The following SMS variants were observed in gnomAD, a reference collection of about 807,000 sequenced individuals.
The protein encoded by SMS is spermine synthase.
In SMS, 3 loss-of-function variants were observed where a neutral mutation model predicts 33.0. That is an observed-to-expected ratio of 0.09 (90% CI 0.04 to 0.23). The LOEUF is 0.23. SMS is among the 10% of genes least tolerant of loss of function. The pLI, the probability that SMS is intolerant of heterozygous loss-of-function variation, is 1.00. For missense variants in SMS, 117 were observed against 288.6 expected (o/e 0.41, Z 4.31); for synonymous variants, 103 against 112.2 (o/e 0.92, Z 0.52).
intron 9 of SMS, among the ~76,000 whole-genome samples, chrX:21,991,540 A>G (rs1348842978): frequency 3.6e-5 from 4 of 112,205 alleles, no homozygotes; most frequent in Non-Finnish European, 5.6e-5. Context: ...GTGAATACCA[A>G]CTTCAGAGAT....
chrX:21,988,707 G>C (rs1413039583), intron 9 of SMS, among the ~76,000 whole-genome samples: 1 of 100,612 alleles, frequency 9.9e-6, no homozygotes, highest in African/African-American at 3.5e-5. Flanking sequence ...TCAGGTTAAG[G>C]GTGGGATGAA....
At chrX:21,966,052 G>T (rs1009579341) in intron 1 of SMS, among the ~76,000 whole-genome samples, 4 of 112,256 alleles carry the variant, frequency 3.6e-5, no homozygotes, top group African/African-American at 1.3e-4. Flanking sequence ...GTGGCCTTGG[G>T]AACACAGTTC....
rs1239008165 is a variant in SMS at position 21,994,421 on chromosome X, A to G, written c.*70A>G. ...ACCTCCATATGCTGTACATGACATC[A>G]AAATGAGTCAGGCAATTGATTGTGA... is the stretch of plus-strand genomic sequence containing the variant. On this transcript the variant is annotated 3_prime_UTR_variant, in exon 11 of 11. Coordinates refer to ENST00000404933, the MANE Select transcript of SMS (RefSeq NM_004595.5). 7 of 1,187,631 alleles carry G rather than the reference A, an allele frequency of 5.9e-6. No individual in the cohort carries two copies. Among genetic ancestry groups the G allele is most frequent in the Non-Finnish European group, 7.9e-6 (7 of 880,811 alleles).
chrX:21,941,998 GCTT>G (rs1189172045), intron 1 of SMS, among the ~76,000 whole-genome samples: 16 of 106,165 alleles, frequency 1.5e-4, no homozygotes, highest in African/African-American at 5.5e-4. Context: ...TAATTTGCAG[GCTT>G]CTTTTCTCGG....
chrX:21,942,745 A>G (rs762395119), intron 1 of SMS, among the ~76,000 whole-genome samples: 11 of 109,557 alleles, frequency 1.0e-4, no homozygotes, highest in Admixed American at 1.9e-4. Flanking sequence ...TCACCCAGCT[A>G]GTAAGGGGTG....
intron 1 of SMS, among the ~76,000 whole-genome samples, chrX:21,950,781 C>CT (rs964123262): frequency 1.8e-4 from 20 of 111,490 alleles, no homozygotes; most frequent in Middle Eastern, 4.7e-3. Context: ...GGAACTCATT[C>CT]TTTTTTATGG....
At chrX:21,954,478 C>T (rs1361735734) in intron 1 of SMS, among the ~76,000 whole-genome samples, 1 of 112,421 alleles carries the variant, frequency 8.9e-6, no homozygotes, top group Admixed American at 9.4e-5. Flanking sequence ...ACATGGCTGC[C>T]TTCTCGTCTG....
intron 7 of SMS, among the ~76,000 whole-genome samples, chrX:21,980,429 A>AAAAAAATATATATAT (rs1260210326): frequency 6.2e-4 from 39 of 63,041 alleles, no homozygotes; most frequent in East Asian, 2.0e-3. Context: ...AAAAAAAAAA[A>AAAAAAATATATATAT]ATATATATAT....
chrX:21,980,429 A>AATATATATATAT (rs1187267102), intron 7 of SMS, among the ~76,000 whole-genome samples: 8 of 63,047 alleles, frequency 1.3e-4, no homozygotes, highest in East Asian at 6.5e-4. Flanking sequence ...AAAAAAAAAA[A>AATATATATATAT]ATATATATAT....
Position 21,971,879 on chromosome X carries a change from T to C in SMS, c.171-18T>C, listed in dbSNP as rs765822661. ...CCCGATACAATTCTTAAGCTTAAAATTATATTTTCCTTTGTAGCTTTGCCA... is the reference window on the plus strand; with the variant it reads ...CCCGATACAATTCTTAAGCTTAAAACTATATTTTCCTTTGTAGCTTTGCCA... On this transcript the variant is annotated intron_variant, in intron 2 of 10. Transcript: ENST00000404933. The C allele has an allele frequency of 9.2e-6, 10 of 1,092,721 alleles. No individual in the cohort carries two copies. In the East Asian group the frequency reaches 3.0e-4, roughly 33 times the overall value. The allele number at this position is 1,092,721 out of a possible 1,213,427, so 90.1% of individuals were successfully genotyped here.
intron 7 of SMS, among the ~76,000 whole-genome samples, chrX:21,980,415 C>CAA (rs1178108858): frequency 0.022 from 985 of 44,497 alleles, 36 homozygotes; most frequent in African/African-American, 0.071. Flanking sequence ...AGACTGTCTC[C>CAA]AAAAAAAAAA....
intron 1 of SMS, among the ~76,000 whole-genome samples, chrX:21,952,410 T>TTTGTTAACCTATTATGGTGGATCACG (rs1922668575): frequency 1.7e-5 from 1 of 57,416 alleles, no homozygotes; most frequent in African/African-American, 1.6e-4. Context: ...GATCACGTTG[T>TTTGTTAACCTATTATGGTGGATCACG]TTGTTTGTTT....
intron 4 of SMS, among the ~76,000 whole-genome samples, chrX:21,976,258 A>G (rs1041085293): frequency 9.9e-5 from 11 of 111,242 alleles, no homozygotes; most frequent in South Asian, 3.8e-4. Context: ...GAGGACTTCT[A>G]CCTAGTTTCA....
intron 2 of SMS, among the ~76,000 whole-genome samples, chrX:21,970,898 A>G (rs147257046): frequency 4.1e-4 from 45 of 110,828 alleles, no homozygotes; most frequent in African/African-American, 1.5e-3. Context: ...TGTAAATGCA[A>G]AACAAATACA....
intron 7 of SMS, among the ~76,000 whole-genome samples, chrX:21,980,329 A>G (rs1356217239): frequency 9.5e-6 from 1 of 104,984 alleles, no homozygotes; most frequent in African/African-American, 3.4e-5. Flanking sequence ...AGGCAGGAGA[A>G]TCGCTTGAAC....
At chrX:21,976,766 G>C (rs1451255756) in intron 4 of SMS, among the ~76,000 whole-genome samples, 1 of 112,145 alleles carries the variant, frequency 8.9e-6, no homozygotes, top group East Asian at 2.8e-4. Flanking sequence ...TTAAGAGACA[G>C]ATGCTGCTGG....
At chrX:21,969,690 C>G (rs1294301556) in intron 2 of SMS, among the ~76,000 whole-genome samples, 1 of 112,547 alleles carries the variant, frequency 8.9e-6, no homozygotes, top group African/African-American at 3.2e-5. Flanking sequence ...GGCACCAATT[C>G]CAGTTGTACA....
Position 21,994,739 on chromosome X carries a change from T to A in SMS, c.*388T>A, listed in dbSNP as rs1164974184. 1.3e-6 allele frequency: 1 copy of A among 769,054 alleles called. No individual in the cohort carries two copies. The highest frequency in any genetic ancestry group is 1.5e-6 in the Non-Finnish European group (1 of 649,877). 63.4% of individuals were successfully genotyped at this position (769,054 alleles called of 1,213,427 possible). On this transcript the variant is annotated 3_prime_UTR_variant, in exon 11 of 11. Coordinates refer to ENST00000404933, the MANE Select transcript of SMS (RefSeq NM_004595.5). The stretch of plus-strand genomic sequence containing the variant: ...GCTGGAGGGAAGATCTTGATGGTGT[T>A]TCTTTCCCCAAAAATTGACTTAGAT...
chrX:21,947,594 C>G (rs189115001), intron 1 of SMS, among the ~76,000 whole-genome samples: 58 of 111,772 alleles, frequency 5.2e-4, no homozygotes, highest in Non-Finnish European at 9.0e-4. Flanking sequence ...ATTTGTTGCT[C>G]ATCACCTGTT....
Sources: allele counts gnomAD v4.1 joint callset (sites outside exome capture counted in the v4.1 genomes callset), GRCh38; gene constraint gnomAD v4.1.1; transcripts MANE v1.5; gene names NCBI Gene and HGNC (gene_info 2026-07-23, HGNC 2026-07-21).